Variants in ABCC1 observed in about 807,000 individuals in gnomAD.
ABCC1 encodes ATP binding cassette subfamily C member 1 (ABCC1 blood group).
Under a neutral mutation model 172.9 loss-of-function variants are expected in ABCC1, and 83 were observed. That is an observed-to-expected ratio of 0.48 (90% CI 0.40 to 0.58). The LOEUF (loss-of-function observed/expected upper bound fraction) is 0.58, where lower values mean the gene tolerates loss of function less well. ABCC1 is among the 20% of genes least tolerant of loss of function. ABCC1 has a pLI of 0.00. For synonymous variants in ABCC1, 937 were observed against 825.2 expected (o/e 1.14, Z -2.32); for missense variants, 1,817 against 2,002.7 (o/e 0.91, Z 1.77).
At chr16:15,998,570 C>T (rs1193546981) in intron 1 of ABCC1, among the ~76,000 whole-genome samples, 1 of 152,222 alleles carries the variant, frequency 6.6e-6, no homozygotes, top group Non-Finnish European at 1.5e-5. Flanking sequence ...CAGATTTCCT[C>T]TCGTCATGCC....
chr16:15,990,218 C>A (rs543427345), intron 1 of ABCC1, among the ~76,000 whole-genome samples: 9 of 152,250 alleles, frequency 5.9e-5, no homozygotes, highest in African/African-American at 2.2e-4. Context: ...CCACACCCAG[C>A]TAATTTTTAG....
rs1465931503 is a variant in ABCC1, at chr16:15,967,009, T to C, written c.48+17210T>C. ...AGTGGTTTAATAGGGCTCTTTCATC[T>C]TTAACTTTGGTCCCCTGCCCCCTGA... On this transcript the variant is annotated intron_variant, in intron 1 of 30. Coordinates refer to ENST00000399410, the MANE Select transcript of ABCC1 (RefSeq NM_004996.4). Among the ~76,000 whole-genome samples, 3 of 152,108 alleles carry C rather than the reference T, an allele frequency of 2.0e-5. No individual in the cohort carries two copies. In the East Asian group the frequency reaches 5.8e-4, roughly 29 times the overall value.
Position 16,005,597 on chromosome 16 carries a change from C to T in ABCC1, c.49-2219C>T, listed in dbSNP as rs112197271. 1.4e-4 allele frequency among the ~76,000 whole-genome samples: 22 copies of T among 152,090 alleles called. No homozygotes were observed. In the South Asian group the frequency reaches 1.9e-3, roughly 13 times the overall value. Reference sequence around the variant, plus strand: ...TCCTGACCTCGTGATCCTCCTGCCTCGGCCTCCCAAAGTGCTGGGATGACA... The same window carrying T: ...TCCTGACCTCGTGATCCTCCTGCCTTGGCCTCCCAAAGTGCTGGGATGACA... On this transcript the variant is annotated intron_variant, in intron 1 of 30. Transcript: ENST00000399410.
intron 26 of ABCC1, among the ~76,000 whole-genome samples, chr16:16,127,260 C>G (rs978723157): frequency 1.3e-5 from 2 of 152,178 alleles, no homozygotes; most frequent in African/African-American, 4.8e-5. Context: ...CTCACTCTTG[C>G]CCGGGTTGGA....
chr16:15,973,146 A>C (rs2046406941), intron 1 of ABCC1, among the ~76,000 whole-genome samples: 1 of 152,136 alleles, frequency 6.6e-6, no homozygotes, highest in Non-Finnish European at 1.5e-5. Flanking sequence ...AAGTTATCGC[A>C]AAAGGAAGTT....
intron 14 of ABCC1, among the ~76,000 whole-genome samples, chr16:16,073,281 A>G (rs1014774265): frequency 3.9e-5 from 6 of 152,140 alleles, no homozygotes; most frequent in African/African-American, 1.4e-4. Context: ...ACCAGCATTC[A>G]CACCCACAGC....
In ABCC1 at chr16:16,142,520, G is replaced by A. The variant is rs1050919630; in HGVS notation, c.*1239G>A. 1.6e-4 allele frequency: 24 copies of A among 152,138 alleles called. No individual in the cohort carries two copies. The highest frequency in any genetic ancestry group is 2.5e-4 in the Non-Finnish European group (17 of 68,030). The allele number at this position is 152,138 out of a possible 1,614,324, so 9.4% of individuals were successfully genotyped here. On this transcript the variant is annotated 3_prime_UTR_variant, in exon 31 of 31. Transcript: ENST00000399410. ...TTGGCATCCGGTTAGCCCCCCAGGG[G>A]GGGCAGCATTGTGGAGAACTTGATA...
intron 17 of ABCC1, 101 bp from the exon 18 acceptor site, chr16:16,086,723 C>T (rs2051022223): frequency 2.2e-6 from 3 of 1,364,310 alleles, no homozygotes; most frequent in Non-Finnish European, 3.0e-6. Context: ...TCCACCTTGG[C>T]CTCCCAAAGT....
At chr16:15,979,044 G>GCC (rs1384493766) in intron 1 of ABCC1, among the ~76,000 whole-genome samples, 2 of 152,094 alleles carry the variant, frequency 1.3e-5, no homozygotes, top group African/African-American at 4.8e-5. Context: ...CGTAGTCCCA[G>GCC]CACTTCGGGG....
intron 1 of ABCC1, among the ~76,000 whole-genome samples, chr16:15,960,452 T>C (rs2046102271): frequency 6.6e-6 from 1 of 152,166 alleles, no homozygotes; most frequent in South Asian, 2.1e-4. Flanking sequence ...CAGTCATTAT[T>C]AATTGAGCAG....
intron 8 of ABCC1, 117 bp from the exon 9 acceptor site, chr16:16,045,719 A>G: frequency 1.0e-6 from 1 of 1,001,774 alleles, no homozygotes; most frequent in Non-Finnish European, 1.5e-6. Context: ...ATGAAATTGA[A>G]GTGATAGTGT....
intron 23 of ABCC1, among the ~76,000 whole-genome samples, chr16:16,119,163 G>A (rs907976927): frequency 5.3e-5 from 8 of 152,134 alleles, no homozygotes; most frequent in Non-Finnish European, 7.4e-5. Context: ...AAGTTCGGTC[G>A]GGTGCAGTGG....
At chr16:16,070,061 C>T (rs938311316) in intron 13 of ABCC1, among the ~76,000 whole-genome samples, 3 of 151,506 alleles carry the variant, frequency 2.0e-5, no homozygotes, top group African/African-American at 7.3e-5. Context: ...AACATGAACC[C>T]CGTGTACACA....
intron 6 of ABCC1, among the ~76,000 whole-genome samples, chr16:16,035,711 T>C (rs897220224): frequency 1.3e-5 from 2 of 151,496 alleles, no homozygotes; most frequent in Non-Finnish European, 2.9e-5. Flanking sequence ...TCCAGGCTGG[T>C]CTTGAACTCC....
intron 5 of ABCC1, among the ~76,000 whole-genome samples, chr16:16,020,831 C>T (rs1300864023): frequency 3.9e-5 from 6 of 152,208 alleles, no homozygotes; most frequent in African/African-American, 1.4e-4. Flanking sequence ...ACTCTCACAG[C>T]AGTCCTGGTG....
chr16:15,972,150 C>A (rs184419398), intron 1 of ABCC1, among the ~76,000 whole-genome samples: 1 of 152,074 alleles, frequency 6.6e-6, no homozygotes, highest in Non-Finnish European at 1.5e-5. Context: ...GTTAAACATG[C>A]GCAGGATCAT....
intron 1 of ABCC1, among the ~76,000 whole-genome samples, chr16:15,965,399 C>T (rs560955394): frequency 1.3e-5 from 2 of 152,084 alleles, no homozygotes; most frequent in Non-Finnish European, 2.9e-5. Context: ...TCACGCCATT[C>T]TCCTGCCTCA....
intron 19 of ABCC1, among the ~76,000 whole-genome samples, chr16:16,102,145 G>A (rs1354074029): frequency 6.6e-6 from 1 of 152,214 alleles, no homozygotes; most frequent in Non-Finnish European, 1.5e-5. Flanking sequence ...TGGCACTACA[G>A]GGGTCTCCGG....
chr16:16,041,843 T>C lies in ABCC1; in HGVS notation c.810-2607T>C, dbSNP rs555205483. On this transcript the variant is annotated intron_variant, in intron 7 of 30. Transcript: ENST00000399410. The stretch of plus-strand genomic sequence containing the variant: ...TGGGCATGGTGGCTCATGCCTGTAA[T>C]TGCAGTACGTTGGGAGGCTGAGGCG... Among the ~76,000 whole-genome samples the C allele has an allele frequency of 2.6e-5, 4 of 152,186 alleles. No homozygotes were observed. The East Asian group carries it at 7.7e-4, about 29-fold the overall frequency.
Sources: gnomAD v4.1 joint callset for allele counts (sites outside exome capture counted in the v4.1 genomes callset) on GRCh38, gnomAD v4.1.1 for gene constraint, MANE v1.5 for transcripts, NCBI Gene and HGNC (gene_info 2026-07-23, HGNC 2026-07-21) for gene names.